The following MTUS1 variants were observed in gnomAD, a reference collection of about 807,000 sequenced individuals.
The protein encoded by MTUS1 is microtubule associated scaffold protein 1.
Under a neutral mutation model 120.8 loss-of-function variants are expected in MTUS1, and 109 were observed. The ratio of observed to expected loss-of-function variants is 0.90; its 90% CI spans 0.77 to 1.06. The LOEUF is 1.06. Ranked by LOEUF, MTUS1 falls within the 50% of genes least tolerant of loss-of-function variation. MTUS1 has a pLI of 0.00. For missense variants in MTUS1, 2,210 were observed against 1,486.3 expected (o/e 1.49, Z -8.01); for synonymous variants, 737 against 550.5 (o/e 1.34, Z -4.74).
chr8:17,709,544 A>G (rs1255293774), intron 6 of MTUS1, among the ~76,000 whole-genome samples: 2 of 152,168 alleles, frequency 1.3e-5, no homozygotes, highest in Non-Finnish European at 2.9e-5. Context: ...AACAAACTGT[A>G]GTCAACATTC....
chr8:17,720,882 G>A lies in MTUS1; in HGVS notation c.2449+2790C>T, dbSNP rs376810721. On this transcript the variant is annotated intron_variant, in intron 4 of 14. Coordinates refer to ENST00000693296, the MANE Select transcript of MTUS1 (RefSeq NM_001363059.2). ...ACTAATATCCAAAAGGATCAAGATC[G>A]TAACTTTGAAATTTTCTACACTTAA... 9.9e-5 allele frequency among the ~76,000 whole-genome samples: 15 copies of A among 152,226 alleles called. No homozygotes were observed. The South Asian group carries it at 1.5e-3, about 15-fold the overall frequency.
intron 4 of MTUS1, 114 bp downstream of exon 4, chr8:17,723,558 T>C (rs969524072): frequency 1.9e-6 from 2 of 1,062,928 alleles, no homozygotes; most frequent in African/African-American, 3.1e-5. Context: ...GGAAGCAGTA[T>C]GCCTATTTTT....
intron 6 of MTUS1, among the ~76,000 whole-genome samples, chr8:17,688,308 A>C (rs188260394): frequency 3.3e-5 from 5 of 152,328 alleles, no homozygotes; most frequent in African/African-American, 9.6e-5. Flanking sequence ...GAAGTATCAC[A>C]TAAGAGGGTG....
chr8:17,722,407 C>T (rs951856909), intron 4 of MTUS1: 39 of 985,002 alleles, frequency 4.0e-5, no homozygotes, highest in African/African-American at 1.9e-4. Context: ...TAAAATAATA[C>T]ACGTGTGAAT....
At chr8:17,684,200 T>C (rs1309363838) in intron 7 of MTUS1, 128 bp downstream of exon 7, 2 of 681,462 alleles carry the variant, frequency 2.9e-6, no homozygotes, top group East Asian at 2.6e-5. Context: ...AAAAATGTAA[T>C]GGGATGAATG....
At chr8:17,775,648 A>G (rs2050366248) in intron 1 of MTUS1, among the ~76,000 whole-genome samples, 1 of 152,252 alleles carries the variant, frequency 6.6e-6, no homozygotes, top group Admixed American at 6.5e-5. Context: ...ATATCATAGA[A>G]GAGTAAAATT....
intron 3 of MTUS1, among the ~76,000 whole-genome samples, chr8:17,728,495 G>T (rs939886877): frequency 6.6e-6 from 1 of 152,240 alleles, no homozygotes; most frequent in African/African-American, 2.4e-5. Context: ...AGTAAGGCAA[G>T]TGCAAGTAAT....
chr8:17,797,480 TTA>T (rs1264461115), intron 1 of MTUS1, among the ~76,000 whole-genome samples: 1 of 152,162 alleles, frequency 6.6e-6, no homozygotes, highest in Admixed American at 6.6e-5. Context: ...CAACTCCTGG[TTA>T]TACTGGACCA....
In MTUS1 at chr8:17,675,044, G is replaced by A. The variant is rs1394138202; in HGVS notation, c.2905+142C>T. ...CCAAGATTCAAAAGAAATGTCGATA[G>A]TAAGTGTTTGCCCAGATACTAGACA... On this transcript the variant is annotated intron_variant, in intron 8 of 14. Coordinates refer to ENST00000693296, the MANE Select transcript of MTUS1 (RefSeq NM_001363059.2). The A allele has an allele frequency of 2.2e-5, 32 of 1,464,468 alleles. No homozygotes were observed. In the Middle Eastern group the frequency reaches 6.8e-4, roughly 31 times the overall value. 90.7% of individuals were successfully genotyped at this position (1,464,468 alleles called of 1,614,324 possible). A position where few individuals can be genotyped will look rare whatever the true frequency, so the allele number is the denominator to read the frequency against.
chr8:17,678,129 A>G (rs1481371281), intron 7 of MTUS1, among the ~76,000 whole-genome samples: 1 of 152,166 alleles, frequency 6.6e-6, no homozygotes, highest in Non-Finnish European at 1.5e-5. Flanking sequence ...AAAGACACAT[A>G]CTAAGGGTTA....
intron 7 of MTUS1, among the ~76,000 whole-genome samples, chr8:17,680,855 C>A (rs1039946170): frequency 6.6e-6 from 1 of 152,114 alleles, no homozygotes; most frequent in Non-Finnish European, 1.5e-5. Context: ...GGACTCCTGA[C>A]CTTCATCTCA....
chr8:17,701,659 T>C (rs1819110600), intron 6 of MTUS1, among the ~76,000 whole-genome samples: 1 of 152,120 alleles, frequency 6.6e-6, no homozygotes, highest in Admixed American at 6.5e-5. Flanking sequence ...GTGATTCTCC[T>C]GCCTCAGCCT....
rs375369738 is a variant in MTUS1 at position 17,646,058 on chromosome 8, G to A, written c.3681C>T (p.Asn1227=). 3.3e-5 allele frequency: 53 copies of A among 1,613,296 alleles called. No homozygotes were observed. The African/African-American group carries it at 4.4e-4, about 13-fold the overall frequency. ...TGTGCAGTTTCCACAGAAGCTCCTC[G>A]TTTTCCATAGAGAGTCGCTTGTTGA... ...SKVNKRLSME[N]EELLWKLHNG... is the part of the protein sequence containing the mutation. The change falls in exon 15 of 15, where the codon AAC becomes AAT. Residue 1227 remains asparagine, a synonymous_variant. Transcript: ENST00000693296.
chr8:17,727,436 C>A (rs2046295251), intron 3 of MTUS1, among the ~76,000 whole-genome samples: 1 of 152,176 alleles, frequency 6.6e-6, no homozygotes, highest in Non-Finnish European at 1.5e-5. Context: ...TGGAGGCAGA[C>A]AGAGTTCAGA....
At chr8:17,794,226 G>C (rs1586449506) in intron 1 of MTUS1, among the ~76,000 whole-genome samples, 2 of 152,194 alleles carry the variant, frequency 1.3e-5, no homozygotes, top group East Asian at 3.9e-4. Flanking sequence ...TACTCAGAAA[G>C]CTGAGGCAGG....
chr8:17,708,368 G>C (rs532803742), intron 6 of MTUS1, among the ~76,000 whole-genome samples: 1 of 152,186 alleles, frequency 6.6e-6, no homozygotes, highest in South Asian at 2.1e-4. Flanking sequence ...GTCACTGGCT[G>C]TCAGAATGCA....
At chr8:17,712,687 A>G (rs1301014775) in intron 6 of MTUS1, among the ~76,000 whole-genome samples, 1 of 152,152 alleles carries the variant, frequency 6.6e-6, no homozygotes, top group Non-Finnish European at 1.5e-5. Context: ...TCCAAAGTAT[A>G]GGAATCGCAG....
At chr8:17,765,678 C>CCCCACACA in intron 1 of MTUS1, among the ~76,000 whole-genome samples, 1 of 130,162 alleles carries the variant, frequency 7.7e-6, no homozygotes, top group Admixed American at 8.2e-5. Flanking sequence ...AATACAGACA[C>CCCCACACA]CACACACACA....
At chr8:17,695,814 A>C (rs1817827693) in intron 6 of MTUS1, among the ~76,000 whole-genome samples, 1 of 152,196 alleles carries the variant, frequency 6.6e-6, no homozygotes, top group Non-Finnish European at 1.5e-5. Flanking sequence ...AAAAAGAATA[A>C]AAAAGACCTG....
Sources: gnomAD v4.1 joint callset for allele counts (sites outside exome capture counted in the v4.1 genomes callset) on GRCh38, gnomAD v4.1.1 for gene constraint, MANE v1.5 for transcripts, NCBI Gene and HGNC (gene_info 2026-07-23, HGNC 2026-07-21) for gene names.